Variants in PLCB4 observed in about 807,000 individuals in gnomAD.
The protein encoded by PLCB4 is phospholipase C beta 4.
A neutral mutation model predicts 178.8 loss-of-function variants in PLCB4; 77 were observed. The ratio of observed to expected loss-of-function variants is 0.43; its 90% CI spans 0.36 to 0.52. PLCB4 has a LOEUF of 0.52. Ranked by LOEUF, PLCB4 falls within the 20% of genes least tolerant of loss-of-function variation. The probability of loss-of-function intolerance (pLI) is 0.00; values close to 1 mark genes in which losing one functional copy is unlikely to be tolerated. For synonymous variants in PLCB4, 496 were observed against 490.8 expected, an observed-to-expected ratio of 1.01 and a Z score of -0.14; for missense variants, 1,024 against 1,453.4, an observed-to-expected ratio of 0.70 and a Z score of 4.80.
At chr20:9,292,731 A>G (rs2094591200) in intron 3 of PLCB4, among the ~76,000 whole-genome samples, 1 of 152,188 alleles carries the variant, frequency 6.6e-6, no homozygotes, top group Admixed American at 6.5e-5. Flanking sequence ...AACACTGTGA[A>G]CAGCATTTCA....
chr20:9,360,030 C>A (rs764426887), intron 7 of PLCB4, among the ~76,000 whole-genome samples: 1 of 152,136 alleles, frequency 6.6e-6, no homozygotes, highest in African/African-American at 2.4e-5. Flanking sequence ...TTTACCATGT[C>A]GTGAGGAGAG....
intron 21 of PLCB4, among the ~76,000 whole-genome samples, chr20:9,405,666 T>C (rs990304621): frequency 6.6e-6 from 1 of 152,214 alleles, no homozygotes; most frequent in African/African-American, 2.4e-5. Context: ...TCCCACTACA[T>C]TGACATTCTG....
intron 3 of PLCB4, among the ~76,000 whole-genome samples, chr20:9,219,803 C>G (rs1181659451): frequency 2.0e-5 from 3 of 152,166 alleles, no homozygotes; most frequent in Non-Finnish European, 4.4e-5. Flanking sequence ...CATCTAAACT[C>G]TGGAACCTGA....
intron 2 of PLCB4, among the ~76,000 whole-genome samples, chr20:9,108,144 A>G (rs1437377413): frequency 6.6e-6 from 1 of 152,150 alleles, no homozygotes; most frequent in African/African-American, 2.4e-5. Context: ...CATGATTCCC[A>G]TTAGGTGTCC....
chr20:9,227,385 A>G (rs967023508), intron 3 of PLCB4, among the ~76,000 whole-genome samples: 1 of 151,710 alleles, frequency 6.6e-6, no homozygotes, highest in African/African-American at 2.4e-5. Context: ...TTTTGTTGTT[A>G]TATTTAAGAA....
At chr20:9,461,087 A>G (rs1351013550) in intron 35 of PLCB4, among the ~76,000 whole-genome samples, 3 of 152,220 alleles carry the variant, frequency 2.0e-5, no homozygotes, top group Admixed American at 2.0e-4. Context: ...TTATTCAAAG[A>G]TACTTCACGG....
In PLCB4 at chr20:9,421,437, T is replaced by C. The variant is rs898527038; in HGVS notation, c.2295T>C (p.Asn765=). ...ATAATGGACTCAATCCAGTTTACAA[T>C]GAAGAGTCATTTGTATTTCGGAAGG... ...VMNNGLNPVY[N]EESFVFRKVI... is the part of the protein sequence containing the mutation. Residue 765 remains asparagine (N), a synonymous_variant, in exon 27 of 40, where the codon AAT becomes AAC. Coordinates refer to ENST00000378473, the MANE Select transcript of PLCB4 (RefSeq NM_001377142.1). 3 of 1,613,630 alleles carry C rather than the reference T, an allele frequency of 1.9e-6. No individual in the cohort carries two copies. The Admixed American group carries it at 5.0e-5, about 27-fold the overall frequency.
In PLCB4 at chr20:9,423,556, C is replaced by T. The variant is rs527944667; in HGVS notation, c.2320-192C>T. Among the ~76,000 whole-genome samples the T allele has an allele frequency of 3.5e-4, 54 of 152,330 alleles. 2 individuals carry two copies. In the South Asian group the frequency reaches 0.01, roughly 29 times the overall value. On this transcript the variant is annotated intron_variant, in intron 27 of 39. Transcript: ENST00000378473. ...CGAGATAATTTCCAGGAAACATGTT[C>T]CAATTGCTTTTCTCAGTGTCTTGGG... is the stretch of plus-strand genomic sequence containing the variant.
rs1213160733 is a variant in PLCB4 at position 9,405,325 on chromosome 20, C to A, written c.1624C>A (p.Leu542Ile). 1 of 1,547,216 alleles carries A rather than the reference C, an allele frequency of 6.5e-7. No individual in the cohort carries two copies. Residue 542 changes from leucine (L) to isoleucine (I), a missense_variant, in exon 21 of 40, where the codon CTT (leucine) becomes ATT (isoleucine). Coordinates refer to ENST00000378473, the MANE Select transcript of PLCB4 (RefSeq NM_001377142.1). ...ANSVKKASDD[L>I]EHENNKKGLV... The stretch of plus-strand genomic sequence containing the variant: ...TTTCTCTAATTAGGCTTCAGATGAC[C>A]TTGAACATGAAAACAACAAAAAGGT...
At chr20:9,301,668 C>T (rs976021374) in intron 3 of PLCB4, among the ~76,000 whole-genome samples, 3 of 152,072 alleles carry the variant, frequency 2.0e-5, no homozygotes, top group Admixed American at 6.6e-5. Flanking sequence ...TTTGGCCCCT[C>T]GACAGCCCAC....
intron 2 of PLCB4, among the ~76,000 whole-genome samples, chr20:9,204,127 A>C (rs1335781940): frequency 6.6e-6 from 1 of 152,096 alleles, no homozygotes; most frequent in Non-Finnish European, 1.5e-5. Context: ...AGGAAAGCAA[A>C]GAGAAGAAAA....
At chr20:9,080,982 G>A (rs548481961) in intron 1 of PLCB4, among the ~76,000 whole-genome samples, 2 of 152,104 alleles carry the variant, frequency 1.3e-5, no homozygotes, top group African/African-American at 2.4e-5. Context: ...TCCTATTGCC[G>A]CTAGCCTGAA....
intron 15 of PLCB4, among the ~76,000 whole-genome samples, chr20:9,387,826 G>A (rs556923595): frequency 1.3e-5 from 2 of 152,294 alleles, no homozygotes; most frequent in South Asian, 4.1e-4. Flanking sequence ...TAGAAACAGT[G>A]TCTCCTTTTG....
rs531228345 is a variant in PLCB4 at position 9,438,012 on chromosome 20, A to G, written c.2764+860A>G. ...AGTAAAGCGCTGTTTAATGAATGAT[A>G]GGGGCAAGGAAATCTAGATTAAGTT... On this transcript the variant is annotated intron_variant, in intron 30 of 39. Coordinates refer to ENST00000378473, the MANE Select transcript of PLCB4 (RefSeq NM_001377142.1). Among the ~76,000 whole-genome samples, 3 of 152,280 alleles carry G rather than the reference A, an allele frequency of 2.0e-5. No individual in the cohort carries two copies. In the South Asian group the frequency reaches 6.2e-4, roughly 32 times the overall value.
chr20:9,338,888 A>G lies in PLCB4; in HGVS notation c.226-6A>G, dbSNP rs2032839635. 2.5e-6 allele frequency: 4 copies of G among 1,612,112 alleles called. No homozygotes were observed. Among genetic ancestry groups the G allele is most frequent in the East Asian group, 2.2e-5 (1 of 44,842 alleles). ...TTTTTTTTTCTATCTGTGTACCTCT[A>G]TACAGGATCCCAAAATCTTGGCTGC... On this transcript the variant is annotated splice_region_variant and splice_polypyrimidine_tract_variant and intron_variant, in intron 6 of 39. Transcript: ENST00000378473.
intron 3 of PLCB4, among the ~76,000 whole-genome samples, chr20:9,221,393 G>C (rs8184151): frequency 6.6e-6 from 1 of 152,120 alleles, no homozygotes; most frequent in African/African-American, 2.4e-5. Context: ...TTTTTCTTAA[G>C]AAATGTTGGT....
In PLCB4 at chr20:9,473,289, A is replaced by T. The variant is rs746423641; in HGVS notation, c.3419A>T (p.Lys1140Met). 1 of 1,562,136 alleles carries T rather than the reference A, an allele frequency of 6.4e-7. No homozygotes were observed. Among genetic ancestry groups the T allele is most frequent in the Non-Finnish European group, 8.7e-7 (1 of 1,153,152 alleles). The change falls in exon 38 of 40, where the codon AAG (lysine) becomes ATG (methionine). Residue 1140 changes from lysine to methionine, a missense_variant. Coordinates refer to ENST00000378473, the MANE Select transcript of PLCB4 (RefSeq NM_001377142.1). ...FLEERKRLAMKQSKEMDQLKK... is the reference protein window; with the variant it reads ...FLEERKRLAMMQSKEMDQLKK... Reference sequence around the variant, plus strand: ...TTTTTTTTTTTGCAGCTTGCCATGAAGCAGTCCAAAGAAATGGATCAGTTG... The same window carrying T: ...TTTTTTTTTTTGCAGCTTGCCATGATGCAGTCCAAAGAAATGGATCAGTTG...
chr20:9,366,216 G>A (rs534898086), intron 9 of PLCB4, among the ~76,000 whole-genome samples: 6 of 151,788 alleles, frequency 4.0e-5, no homozygotes, highest in African/African-American at 9.7e-5. Context: ...GTGAAACTCC[G>A]TCTCTACTAA....
At chr20:9,085,840 G>A (rs1457310391) in intron 1 of PLCB4, among the ~76,000 whole-genome samples, 1 of 152,058 alleles carries the variant, frequency 6.6e-6, no homozygotes, top group Admixed American at 6.6e-5. Context: ...CATATTATAC[G>A]GGGATTGGTC....
Sources: allele counts gnomAD v4.1 joint callset (sites outside exome capture counted in the v4.1 genomes callset), GRCh38; gene constraint gnomAD v4.1.1; transcripts MANE v1.5; gene names NCBI Gene and HGNC (gene_info 2026-07-23, HGNC 2026-07-21).